The following TEK variants were observed in gnomAD, a reference collection of about 807,000 sequenced individuals.
TEK encodes TEK receptor tyrosine kinase.
TEK carries 43 observed loss-of-function variants against 131.8 expected under a neutral mutation model. The ratio of observed to expected loss-of-function variants is 0.33; its 90% CI spans 0.26 to 0.42. The LOEUF (loss-of-function observed/expected upper bound fraction) is 0.42, where lower values mean the gene tolerates loss of function less well. Ranked by LOEUF, TEK falls within the 10% of genes least tolerant of loss-of-function variation. The pLI, the probability that TEK is intolerant of heterozygous loss-of-function variation, is 1.00. For synonymous variants in TEK, 580 were observed against 491.6 expected, an observed-to-expected ratio of 1.18 and a Z score of -2.38; for missense variants, 1,162 against 1,384.4, an observed-to-expected ratio of 0.84 and a Z score of 2.55.
intron 1 of TEK, 144 bp downstream of exon 1, chr9:27,109,786 AAT>A: frequency 2.5e-6 from 2 of 802,852 alleles, no homozygotes; most frequent in Non-Finnish European, 4.2e-6. Context: ...GTCTCCAGTC[AAT>A]ATGTGTGGAA....
At chr9:27,153,095 G>A (rs1222674286) in intron 1 of TEK, among the ~76,000 whole-genome samples, 3 of 152,138 alleles carry the variant, frequency 2.0e-5, no homozygotes, top group African/African-American at 4.8e-5. Flanking sequence ...CTTGGTAGAC[G>A]TCATGCCACA....
intron 11 of TEK, among the ~76,000 whole-genome samples, chr9:27,196,217 A>C (rs1468399319): frequency 6.6e-6 from 1 of 152,212 alleles, no homozygotes; most frequent in Non-Finnish European, 1.5e-5. Context: ...TAGCATGCCT[A>C]CATGTACTTG....
chr9:27,216,389 TGAAAAA>T (rs1564104850), intron 18 of TEK, among the ~76,000 whole-genome samples: 1 of 151,792 alleles, frequency 6.6e-6, no homozygotes, highest in Non-Finnish European at 1.5e-5. Context: ...AAAAAATAAA[TGAAAAA>T]GTGCACAAGG....
intron 1 of TEK, among the ~76,000 whole-genome samples, chr9:27,145,236 C>G (rs1468415320): frequency 6.6e-6 from 1 of 152,138 alleles, no homozygotes; most frequent in Non-Finnish European, 1.5e-5. Flanking sequence ...AACTGGTCTC[C>G]TGTTAAGGTC....
At chr9:27,175,938 T>G (rs1212138323) in intron 6 of TEK, among the ~76,000 whole-genome samples, 1 of 152,196 alleles carries the variant, frequency 6.6e-6, no homozygotes, top group Admixed American at 6.5e-5. Context: ...TTTTGTAGGT[T>G]GCCTGTTCAC....
At position 27,206,580 on chromosome 9, in the gene TEK, A is replaced by G; in HGVS notation, c.2365-2A>G. On this transcript the variant is annotated splice_acceptor_variant, in intron 14 of 22. Coordinates refer to ENST00000380036, the MANE Select transcript of TEK (RefSeq NM_000459.5). LOFTEE classifies it high-confidence loss of function. ...AAAATGATGAAATAATTATTTTTCC[A>G]GAGGGAAGAACCAGCTGTGCAGTTC... 1 of 1,613,398 alleles carries G rather than the reference A, an allele frequency of 6.2e-7. No homozygotes were observed. Among genetic ancestry groups the G allele is most frequent in the Non-Finnish European group, 8.5e-7 (1 of 1,179,690 alleles).
intron 21 of TEK, among the ~76,000 whole-genome samples, chr9:27,223,199 C>T (rs982227415): frequency 6.6e-6 from 1 of 152,078 alleles, no homozygotes; most frequent in Non-Finnish European, 1.5e-5. Context: ...ACCCCACTAT[C>T]AATATTAGAC....
In TEK at chr9:27,216,839, G is replaced by A. The variant is rs140116190; in HGVS notation, c.2992-849G>A. Reference sequence around the variant, plus strand: ...GTTCCACCCACTGGCTAATCTAGGTGGAGATGCCACTGTGAAAGTCTGGAC... The same window carrying A: ...GTTCCACCCACTGGCTAATCTAGGTAGAGATGCCACTGTGAAAGTCTGGAC... On this transcript the variant is annotated intron_variant, in intron 18 of 22. Coordinates refer to ENST00000380036, the MANE Select transcript of TEK (RefSeq NM_000459.5). 5.5e-3 allele frequency among the ~76,000 whole-genome samples: 835 copies of A among 152,236 alleles called. 6 individuals carry two copies. Among genetic ancestry groups the A allele is most frequent in the African/African-American group, 0.019 (805 of 41,528 alleles).
intron 6 of TEK, among the ~76,000 whole-genome samples, chr9:27,175,511 G>A (rs986499174): frequency 2.6e-5 from 4 of 152,084 alleles, no homozygotes; most frequent in African/African-American, 9.7e-5. Flanking sequence ...CCAGTAATGG[G>A]GTGGCTGGGT....
intron 12 of TEK, among the ~76,000 whole-genome samples, chr9:27,198,746 T>C (rs953140715): frequency 1.3e-5 from 2 of 152,226 alleles, no homozygotes; most frequent in African/African-American, 4.8e-5. Context: ...TATTCCCCTC[T>C]CCCAAGAGAC....
In TEK at chr9:27,229,153, T is replaced by A; in HGVS notation, c.3301-5T>A. 2 of 1,613,676 alleles carry A rather than the reference T, an allele frequency of 1.2e-6. No homozygotes were observed. The highest frequency in any genetic ancestry group is 1.7e-6 in the Non-Finnish European group (2 of 1,179,616). ...TATGTCTCTGAACCATTTTCATTCT[T>A]CCAGACCTACGTGAATACCACGCTT... On this transcript the variant is annotated splice_polypyrimidine_tract_variant and splice_region_variant and intron_variant, in intron 22 of 22. Coordinates refer to ENST00000380036, the MANE Select transcript of TEK (RefSeq NM_000459.5).
chr9:27,133,020 C>T (rs1822283090), intron 1 of TEK, among the ~76,000 whole-genome samples: 1 of 152,156 alleles, frequency 6.6e-6, no homozygotes, highest in Non-Finnish European at 1.5e-5. Context: ...CAGTTTCAAC[C>T]ATAGGATCAT....
At chr9:27,215,759 A>C (rs1825801844) in intron 18 of TEK, among the ~76,000 whole-genome samples, 1 of 148,860 alleles carries the variant, frequency 6.7e-6, no homozygotes, top group African/African-American at 2.4e-5. Flanking sequence ...CCACCTTCAA[A>C]GAGCTCGTAG....
chr9:27,196,098 G>A (rs1175930572), intron 11 of TEK, among the ~76,000 whole-genome samples: 1 of 152,174 alleles, frequency 6.6e-6, no homozygotes, highest in African/African-American at 2.4e-5. Context: ...TGCTCAAAAT[G>A]GTAACAGAAA....
At chr9:27,148,976 A>G (rs189641251) in intron 1 of TEK, among the ~76,000 whole-genome samples, 1 of 152,310 alleles carries the variant, frequency 6.6e-6, no homozygotes, top group Non-Finnish European at 1.5e-5. Context: ...TTGGATGGCC[A>G]GAATGTAAGC....
intron 14 of TEK, among the ~76,000 whole-genome samples, chr9:27,206,359 C>G (rs989482228): frequency 3.3e-5 from 5 of 152,204 alleles, no homozygotes; most frequent in African/African-American, 1.2e-4. Context: ...CATTGCTAAT[C>G]AACAGGCTTT....
In TEK at chr9:27,157,862, G is replaced by A. The variant is rs138550182; in HGVS notation, c.84G>A (p.Leu28=). 2.0e-5 allele frequency: 32 copies of A among 1,613,952 alleles called. No homozygotes were observed. The East Asian group carries it at 6.9e-4, about 35-fold the overall frequency. ...GTVEGAMDLI[L]INSLPLVSDA... The stretch of plus-strand genomic sequence containing the variant: ...TGGAAGGTGCCATGGACTTGATCTT[G>A]ATCAATTCCCTACCTCTTGTATCTG... The change falls in exon 2 of 23, where the codon TTG becomes TTA. Residue 28 remains leucine, a synonymous_variant. Transcript: ENST00000380036.
intron 2 of TEK, among the ~76,000 whole-genome samples, chr9:27,160,134 C>A (rs1055892694): frequency 6.6e-6 from 1 of 150,894 alleles, no homozygotes; most frequent in Admixed American, 6.6e-5. Context: ...GCTGTTCTCC[C>A]ACCTCAGCCT....
intron 1 of TEK, among the ~76,000 whole-genome samples, chr9:27,130,491 G>T (rs1822166546): frequency 6.6e-6 from 1 of 151,730 alleles, no homozygotes; most frequent in African/African-American, 2.4e-5. Context: ...AAACACAATA[G>T]AAGAAACCAC....
Sources: gnomAD v4.1 joint callset for allele counts (sites outside exome capture counted in the v4.1 genomes callset) on GRCh38, gnomAD v4.1.1 for gene constraint, MANE v1.5 for transcripts, NCBI Gene and HGNC (gene_info 2026-07-23, HGNC 2026-07-21) for gene names.